DNASE1: variants seen among roughly 807,000 people sequenced by gnomAD.
DNASE1 encodes deoxyribonuclease-1.
Under a neutral mutation model 33.9 loss-of-function variants are expected in DNASE1, and 40 were observed. The observed-to-expected ratio is 1.18, with a 90% CI of 0.92 to 1.54. The LOEUF is 1.54. Among genes scored for constraint, DNASE1 ranks in the 40% most tolerant of loss-of-function variants. DNASE1 has a pLI of 0.00. For synonymous variants in DNASE1, 216 were observed against 160.0 expected, an observed-to-expected ratio of 1.35 and a Z score of -2.64; for missense variants, 518 against 372.6, an observed-to-expected ratio of 1.39 and a Z score of -3.21.
upstream of DNASE1, chr16:3,654,375 G>A: frequency 2.5e-6 from 1 of 398,814 alleles, no homozygotes; most frequent in Non-Finnish European, 4.4e-6. Flanking sequence ...CTCCTGCAGA[G>A]TTGCCTGCAC....
chr16:3,662,084 T>C (rs1349031920), downstream of DNASE1: 9 of 1,612,944 alleles, frequency 5.6e-6, no homozygotes, highest in African/African-American at 1.3e-5. Flanking sequence ...GCAGCCCCCA[T>C]CTCCAGCACG....
chr16:3,623,602 A>G (rs1260939692), intron 1 of DNASE1, among the ~76,000 whole-genome samples: 2 of 152,214 alleles, frequency 1.3e-5, no homozygotes, highest in Admixed American at 1.3e-4. Context: ...AATACGTAGT[A>G]TCTCCAAGGA....
rs573277321 is a variant in DNASE1 at position 3,654,927 on chromosome 16, T to C, written c.-119T>C. ...GCCTTGAAGTGCTTCTTCAGAGACC[T>C]TTCTTCATAGACTACTTTTTTTTCT... On this transcript the variant is annotated 5_prime_UTR_variant, in exon 1 of 9. Coordinates refer to ENST00000246949, the MANE Select transcript of DNASE1 (RefSeq NM_005223.4). 4 of 457,096 alleles carry C rather than the reference T, an allele frequency of 8.8e-6. No individual in the cohort carries two copies. Among genetic ancestry groups the C allele is most frequent in the Admixed American group, 3.8e-5 (1 of 26,066 alleles). The allele number at this position is 457,096 out of a possible 1,614,324, so 28.3% of individuals were successfully genotyped here.
At chr16:3,646,577 T>TG (rs1335869705) in intron 1 of DNASE1, among the ~76,000 whole-genome samples, 5 of 152,168 alleles carry the variant, frequency 3.3e-5, no homozygotes, top group Non-Finnish European at 5.9e-5. Context: ...GCCCCAGCTC[T>TG]GCAGGCAGAG....
intron 1 of DNASE1, among the ~76,000 whole-genome samples, chr16:3,615,774 T>G (rs1345739165): frequency 6.6e-6 from 1 of 152,230 alleles, no homozygotes; most frequent in Non-Finnish European, 1.5e-5. Flanking sequence ...GAAGATGCTG[T>G]GATGATCACG....
At chr16:3,632,368 T>C (rs1310831831) in intron 1 of DNASE1, among the ~76,000 whole-genome samples, 1 of 152,224 alleles carries the variant, frequency 6.6e-6, no homozygotes, top group East Asian at 1.9e-4. Context: ...TTCTTAGTTT[T>C]TGCTTTGAGG....
At chr16:3,618,206 C>G (rs2068463684) in intron 1 of DNASE1, among the ~76,000 whole-genome samples, 1 of 148,004 alleles carries the variant, frequency 6.8e-6, no homozygotes, top group African/African-American at 2.5e-5. Flanking sequence ...CAAATTGAAA[C>G]TGCAGTGAGA....
At chr16:3,624,751 G>A (rs534636999) in intron 1 of DNASE1, among the ~76,000 whole-genome samples, 1 of 152,208 alleles carries the variant, frequency 6.6e-6, no homozygotes, top group African/African-American at 2.4e-5. Flanking sequence ...TGGGAACTTG[G>A]GTCACTGCAT....
At chr16:3,662,106 A>G, downstream of DNASE1, 1 of 1,613,026 alleles carries the variant, frequency 6.2e-7, no homozygotes, top group Non-Finnish European at 8.5e-7. Context: ...TGACCATGGC[A>G]GGGTGGGTGT....
upstream of DNASE1, chr16:3,641,358 C>G (rs117720563): frequency 2.4e-3 from 383 of 158,676 alleles, 9 homozygotes; most frequent in East Asian, 0.057. Flanking sequence ...GGGTGCTTTC[C>G]TGTTCACAGG....
intron 1 of DNASE1, among the ~76,000 whole-genome samples, chr16:3,631,237 C>A (rs2041688539): frequency 6.6e-6 from 1 of 151,958 alleles, no homozygotes; most frequent in Non-Finnish European, 1.5e-5. Context: ...GAGTCTTGGT[C>A]TGTTGCCCAG....
chr16:3,649,158 C>T (rs537164468), intron 1 of DNASE1, among the ~76,000 whole-genome samples: 15 of 152,190 alleles, frequency 9.9e-5, no homozygotes, highest in Non-Finnish European at 2.2e-4. Context: ...GGGACAGAGG[C>T]TGTCTTTTGT....
chr16:3,618,612 C>T (rs1393660087), intron 1 of DNASE1, among the ~76,000 whole-genome samples: 1 of 152,082 alleles, frequency 6.6e-6, no homozygotes, highest in Non-Finnish European at 1.5e-5. Context: ...TGCCTGAATC[C>T]CAACTACTCG....
chr16:3,660,891 T>A (rs2043035688), downstream of DNASE1: 1 of 152,094 alleles, frequency 6.6e-6, no homozygotes, highest in African/African-American at 2.4e-5. Context: ...CCCACTGCAC[T>A]CCAACCTGGG....
At chr16:3,655,094 G>A in intron 1 of DNASE1, 50 bp downstream of exon 1, 1 of 592,504 alleles carries the variant, frequency 1.7e-6, no homozygotes, top group East Asian at 2.8e-5. Flanking sequence ...TTGGAGCAGG[G>A]AGGGAGGCTT....
intron 1 of DNASE1, among the ~76,000 whole-genome samples, chr16:3,612,745 A>G (rs113030139): frequency 7.9e-5 from 12 of 152,074 alleles, no homozygotes; most frequent in African/African-American, 2.7e-4. Flanking sequence ...TACAGTGAGA[A>G]CAGATGAGGC....
downstream of DNASE1, chr16:3,662,179 AG>A: frequency 6.3e-7 from 1 of 1,581,928 alleles, no homozygotes; most frequent in South Asian, 1.2e-5. Context: ...TCCCAATGTG[AG>A]AGGGCTGGCA....
downstream of DNASE1, chr16:3,662,098 A>C: frequency 6.2e-7 from 1 of 1,613,190 alleles, no homozygotes; most frequent in Non-Finnish European, 8.5e-7. Context: ...CAGCACGGTG[A>C]CCATGGCAGG....
intron 1 of DNASE1, among the ~76,000 whole-genome samples, chr16:3,617,908 C>T (rs1482085522): frequency 6.6e-6 from 1 of 152,096 alleles, no homozygotes; most frequent in Non-Finnish European, 1.5e-5. Flanking sequence ...TCCCAGCCTC[C>T]AGAACAGTGA....
Sources: allele counts gnomAD v4.1 joint callset (sites outside exome capture counted in the v4.1 genomes callset), GRCh38; gene constraint gnomAD v4.1.1; transcripts MANE v1.5; gene names NCBI Gene and HGNC (gene_info 2026-07-23, HGNC 2026-07-21).